Variants in GRM5 observed in about 807,000 individuals in gnomAD.
GRM5 encodes glutamate metabotropic receptor 5.
GRM5 carries 19 observed loss-of-function variants against 83.1 expected under a neutral mutation model. The ratio of observed to expected loss-of-function variants is 0.23; its 90% confidence interval spans 0.16 to 0.34. The LOEUF is 0.34. GRM5 is among the 10% of genes least tolerant of loss of function. The pLI, the probability that GRM5 is intolerant of heterozygous loss-of-function variation, is 1.00. For synonymous variants in GRM5, 675 were observed against 633.6 expected (o/e 1.07, Z -0.98); for missense variants, 1,160 against 1,588.3 (o/e 0.73, Z 4.58).
chr11:88,930,368 T>G (rs1937663101), intron 2 of GRM5, among the ~76,000 whole-genome samples: 1 of 152,110 alleles, frequency 6.6e-6, no homozygotes, highest in Non-Finnish European at 1.5e-5. Context: ...GAGCTGTGTT[T>G]GTACCACTGT....
At chr11:88,767,033 T>G (rs1329726212) in intron 3 of GRM5, among the ~76,000 whole-genome samples, 1 of 151,606 alleles carries the variant, frequency 6.6e-6, no homozygotes, top group Non-Finnish European at 1.5e-5. Context: ...GGCTATTTAA[T>G]TTTTTTCTCT....
chr11:88,996,335 G>T (rs762519895), intron 2 of GRM5, among the ~76,000 whole-genome samples: 1 of 152,144 alleles, frequency 6.6e-6, no homozygotes, highest in Non-Finnish European at 1.5e-5. Context: ...ATGGTATTTG[G>T]TGTACTTGGG....
At chr11:88,957,171 T>G (rs1938643649) in intron 2 of GRM5, among the ~76,000 whole-genome samples, 2 of 152,094 alleles carry the variant, frequency 1.3e-5, no homozygotes, top group South Asian at 4.1e-4. Flanking sequence ...GAACGATGAG[T>G]AGGAATTTTC....
chr11:88,773,406 G>C (rs1205502726), intron 3 of GRM5, among the ~76,000 whole-genome samples: 2 of 152,252 alleles, frequency 1.3e-5, no homozygotes, highest in East Asian at 3.9e-4. Context: ...TAGGTTGCCT[G>C]TTCACTCTGA....
At chr11:88,797,223 C>T (rs1565235304) in intron 3 of GRM5, among the ~76,000 whole-genome samples, 1 of 152,078 alleles carries the variant, frequency 6.6e-6, no homozygotes, top group Admixed American at 6.5e-5. Flanking sequence ...AATCTCGGCT[C>T]ACTGCAACCT....
At chr11:88,887,658 TCTCCA>T (rs1347609442) in intron 2 of GRM5, among the ~76,000 whole-genome samples, 3 of 152,092 alleles carry the variant, frequency 2.0e-5, no homozygotes, top group Non-Finnish European at 4.4e-5. Context: ...ACTGTCTTCC[TCTCCA>T]CTCTGTCACA....
intron 3 of GRM5, among the ~76,000 whole-genome samples, chr11:88,843,993 A>G (rs1408609342): frequency 1.3e-5 from 2 of 152,240 alleles, no homozygotes; most frequent in African/African-American, 4.8e-5. Context: ...TGTAACATCA[A>G]AGTGCTGGGT....
intron 7 of GRM5, among the ~76,000 whole-genome samples, chr11:88,577,493 G>A (rs2135187820): frequency 6.6e-6 from 1 of 152,180 alleles, no homozygotes; most frequent in Non-Finnish European, 1.5e-5. Flanking sequence ...TCCACACTAT[G>A]GTGATAGAAA....
intron 4 of GRM5, 138 bp downstream of exon 4, chr11:88,653,030 C>T: frequency 1.6e-6 from 1 of 614,996 alleles, no homozygotes. Flanking sequence ...CTGTTTATCA[C>T]CATAAGTGGC....
At chr11:88,615,892 G>A (rs35307898) in intron 4 of GRM5, among the ~76,000 whole-genome samples, 1 of 152,000 alleles carries the variant, frequency 6.6e-6, no homozygotes, top group African/African-American at 2.4e-5. Context: ...ATGGCTGAAG[G>A]GGGTGAATAT....
chr11:88,991,399 G>T (rs1939964639), intron 2 of GRM5, among the ~76,000 whole-genome samples: 1 of 151,894 alleles, frequency 6.6e-6, no homozygotes, highest in Admixed American at 6.6e-5. Flanking sequence ...CATGCTCATG[G>T]GTAGGAAGAA....
intron 3 of GRM5, among the ~76,000 whole-genome samples, chr11:88,704,787 C>T (rs758657782): frequency 2.6e-5 from 4 of 151,888 alleles, no homozygotes; most frequent in South Asian, 2.1e-4. Flanking sequence ...TCCTCTTCTT[C>T]GCTCTATACT....
chr11:88,737,537 T>C (rs1355063430), intron 3 of GRM5, among the ~76,000 whole-genome samples: 4 of 152,100 alleles, frequency 2.6e-5, no homozygotes, highest in African/African-American at 9.7e-5. Flanking sequence ...ATAATGCTTA[T>C]GAATGGAACA....
intron 8 of GRM5, among the ~76,000 whole-genome samples, chr11:88,539,424 A>G (rs1565330108): frequency 1.3e-5 from 2 of 152,196 alleles, no homozygotes; most frequent in Non-Finnish European, 2.9e-5. Flanking sequence ...CAATTTCTCC[A>G]TATATACAAT....
At chr11:88,805,232 G>A (rs1056144066) in intron 3 of GRM5, among the ~76,000 whole-genome samples, 5 of 151,870 alleles carry the variant, frequency 3.3e-5, no homozygotes, top group Non-Finnish European at 7.4e-5. Flanking sequence ...TCACTCTGTT[G>A]CCAGGCTGGA....
In GRM5 at chr11:88,707,474, G is replaced by A. The variant is rs1356676233; in HGVS notation, c.912-54071C>T. 2.6e-5 allele frequency among the ~76,000 whole-genome samples: 4 copies of A among 152,004 alleles called. No individual in the cohort carries two copies. In the South Asian group the frequency reaches 8.3e-4, roughly 31 times the overall value. On this transcript the variant is annotated intron_variant, in intron 3 of 9. Coordinates refer to ENST00000305447, the MANE Select transcript of GRM5 (RefSeq NM_001143831.3). ...GTCCATATATTTTTCTCTGCATCTG[G>A]CTGAGTGTGTTGGTCATCACTTCAA...
chr11:88,720,796 C>CTGTGTG lies in GRM5; in HGVS notation c.912-67399_912-67394dup, dbSNP rs748475378. Among the ~76,000 whole-genome samples, 302 of 141,746 alleles carry CTGTGTG rather than the reference C, an allele frequency of 2.1e-3. 2 individuals are homozygous for CTGTGTG. In the East Asian group the frequency reaches 0.025, roughly 12 times the overall value. The allele number at this position is 141,746 out of a possible 152,430, so 93.0% of individuals were successfully genotyped here. On this transcript the variant is annotated intron_variant, in intron 3 of 9. Coordinates refer to ENST00000305447, the MANE Select transcript of GRM5 (RefSeq NM_001143831.3). Reference sequence around the variant, plus strand: ...ACAGGTTTGCAGGAAAATCATTACTCTGTGTGTGTGTGTGTGTGTGTGTGC... The same window carrying CTGTGTG: ...ACAGGTTTGCAGGAAAATCATTACTCTGTGTGTGTGTGTGTGTGTGTGTGTGTGTGC...
intron 4 of GRM5, among the ~76,000 whole-genome samples, chr11:88,646,273 T>C (rs1224971318): frequency 6.6e-6 from 1 of 152,094 alleles, no homozygotes; most frequent in African/African-American, 2.4e-5. Context: ...TTAAATATAC[T>C]ATTAGAGAAA....
intron 8 of GRM5, among the ~76,000 whole-genome samples, chr11:88,533,977 C>T (rs1942076716): frequency 6.6e-6 from 1 of 152,130 alleles, no homozygotes; most frequent in Non-Finnish European, 1.5e-5. Context: ...GATGCAAGCC[C>T]CAGGTCTTGG....
Sources: gnomAD v4.1 joint callset for allele counts (sites outside exome capture counted in the v4.1 genomes callset) on GRCh38, gnomAD v4.1.1 for gene constraint, MANE v1.5 for transcripts, NCBI Gene and HGNC (gene_info 2026-07-23, HGNC 2026-07-21) for gene names.